MAPK10: variants seen among roughly 807,000 people sequenced by gnomAD.
The protein encoded by MAPK10 is JNK3 alpha protein kinase.
In MAPK10, 25 loss-of-function variants were observed where a neutral mutation model predicts 59.3. The ratio of observed to expected loss-of-function variants is 0.42; its 90% CI spans 0.31 to 0.59. The LOEUF (loss-of-function observed/expected upper bound fraction) is 0.59. Among genes scored for constraint, MAPK10 ranks in the 20% least tolerant of loss-of-function variants. The pLI is 0.15. For missense variants in MAPK10, 351 were observed against 568.9 expected (o/e 0.62, Z 3.90); for synonymous variants, 190 against 200.5 (o/e 0.95, Z 0.44).
chr4:86,181,334 T>C (rs559750365), intron 3 of MAPK10, among the ~76,000 whole-genome samples: 53 of 152,198 alleles, frequency 3.5e-4, no homozygotes, highest in African/African-American at 1.2e-3. Flanking sequence ...CTTTTACTTC[T>C]AGTGCTGCTT....
At chr4:86,562,670 G>A (rs1341719813) in intron 1 of MAPK10, among the ~76,000 whole-genome samples, 1 of 152,048 alleles carries the variant, frequency 6.6e-6, no homozygotes, top group Non-Finnish European at 1.5e-5. Flanking sequence ...ACTCCAGCCT[G>A]GGTGACAGGA....
At chr4:86,163,887 A>G (rs537764925) in intron 3 of MAPK10, among the ~76,000 whole-genome samples, 1 of 152,306 alleles carries the variant, frequency 6.6e-6, no homozygotes, top group South Asian at 2.1e-4. Flanking sequence ...CTCATCATCA[A>G]TTCAATTGCT....
chr4:86,347,851 G>C (rs1435119483), intron 2 of MAPK10, among the ~76,000 whole-genome samples: 2 of 152,076 alleles, frequency 1.3e-5, no homozygotes, highest in African/African-American at 2.4e-5. Flanking sequence ...TCTCCTTGGG[G>C]TTAGGACTTC....
intron 2 of MAPK10, among the ~76,000 whole-genome samples, chr4:86,286,649 G>A (rs1247449837): frequency 6.6e-6 from 1 of 152,170 alleles, no homozygotes; most frequent in East Asian, 1.9e-4. Flanking sequence ...GCAGAGCAGA[G>A]ATCCACTCGG....
intron 9 of MAPK10, among the ~76,000 whole-genome samples, chr4:86,084,423 A>G (rs2066622116): frequency 1.3e-5 from 2 of 152,248 alleles, no homozygotes; most frequent in Middle Eastern, 3.2e-3. Context: ...CAAAATCAAC[A>G]TACAAAAATC....
intron 1 of MAPK10, 87 bp from the exon 2 acceptor site, chr4:86,354,731 T>C (rs1245607365): frequency 6.7e-6 from 3 of 448,220 alleles, no homozygotes; most frequent in Non-Finnish European, 1.1e-5. Flanking sequence ...TCAAAGACAG[T>C]TGGTTACTGG....
chr4:86,372,735 C>T (rs1739102601), intron 1 of MAPK10, among the ~76,000 whole-genome samples: 1 of 152,026 alleles, frequency 6.6e-6, no homozygotes, highest in Non-Finnish European at 1.5e-5. Flanking sequence ...ACACAACATA[C>T]CAGAATCTCT....
intron 9 of MAPK10, among the ~76,000 whole-genome samples, chr4:86,070,662 A>G (rs1047107299): frequency 2.0e-5 from 3 of 150,364 alleles, no homozygotes; most frequent in Non-Finnish European, 4.4e-5. Context: ...TGTTCTTGCA[A>G]TAGTTTACTG....
intron 4 of MAPK10, among the ~76,000 whole-genome samples, chr4:86,136,924 A>C (rs963911639): frequency 1.8e-4 from 27 of 152,230 alleles, no homozygotes; most frequent in Non-Finnish European, 7.3e-5. Flanking sequence ...AACAAAGATG[A>C]AAAGAGACAA....
At chr4:86,374,427 A>G (rs1435858398) in intron 1 of MAPK10, among the ~76,000 whole-genome samples, 1 of 152,164 alleles carries the variant, frequency 6.6e-6, no homozygotes. Context: ...TTTTAAAAAG[A>G]TGTATCCCTC....
chr4:86,279,731 T>G (rs2094724117), intron 2 of MAPK10, among the ~76,000 whole-genome samples: 2 of 152,122 alleles, frequency 1.3e-5, no homozygotes, highest in Admixed American at 1.3e-4. Context: ...TTTCGATTCC[T>G]GAAAGGATAA....
At chr4:86,166,882 G>A (rs1452928553) in intron 3 of MAPK10, among the ~76,000 whole-genome samples, 1 of 151,790 alleles carries the variant, frequency 6.6e-6, no homozygotes, top group Non-Finnish European at 1.5e-5. Context: ...GATCAGAGCA[G>A]AATAGAAAAA....
At chr4:86,084,010 T>G (rs2051228791) in intron 9 of MAPK10, among the ~76,000 whole-genome samples, 1 of 152,136 alleles carries the variant, frequency 6.6e-6, no homozygotes, top group Non-Finnish European at 1.5e-5. Context: ...ATTCATCACC[T>G]GCTAACTGAA....
chr4:86,248,907 A>G (rs754506878), intron 2 of MAPK10, among the ~76,000 whole-genome samples: 1 of 152,242 alleles, frequency 6.6e-6, no homozygotes, highest in East Asian at 1.9e-4. Flanking sequence ...TGTGCTATCA[A>G]TAAAGGCACT....
intron 9 of MAPK10, among the ~76,000 whole-genome samples, chr4:86,084,909 A>T (rs980268738): frequency 6.6e-6 from 1 of 152,230 alleles, no homozygotes; most frequent in South Asian, 2.1e-4. Flanking sequence ...CACATAGATC[A>T]ATAGAACAGA....
At chr4:86,263,782 G>A (rs1009203396) in intron 2 of MAPK10, among the ~76,000 whole-genome samples, 1 of 152,128 alleles carries the variant, frequency 6.6e-6, no homozygotes, top group South Asian at 2.1e-4. Context: ...GAGGTTTTTT[G>A]ATAGACACTG....
intron 11 of MAPK10, among the ~76,000 whole-genome samples, chr4:86,056,099 G>A (rs1431866108): frequency 2.7e-5 from 4 of 149,998 alleles, no homozygotes; most frequent in African/African-American, 1.0e-4. Context: ...GACTCACAAA[G>A]ACTTTAATCC....
chr4:86,203,535 T>C (rs2083117200), intron 2 of MAPK10, among the ~76,000 whole-genome samples: 1 of 151,250 alleles, frequency 6.6e-6, no homozygotes, highest in Non-Finnish European at 1.5e-5. Context: ...CTACTAATTA[T>C]TTAAAAAAAA....
intron 11 of MAPK10, among the ~76,000 whole-genome samples, chr4:86,060,976 T>C (rs2045649642): frequency 6.6e-6 from 1 of 152,152 alleles, no homozygotes; most frequent in Non-Finnish European, 1.5e-5. Flanking sequence ...AAAGTCATAA[T>C]AGTAATAGTA....
Sources: gnomAD v4.1 joint callset for allele counts (sites outside exome capture counted in the v4.1 genomes callset) on GRCh38, gnomAD v4.1.1 for gene constraint, MANE v1.5 for transcripts, NCBI Gene and HGNC (gene_info 2026-07-23, HGNC 2026-07-21) for gene names.